SLC14A2: variants seen among roughly 807,000 people sequenced by gnomAD.
SLC14A2 encodes urea transporter 2.
In SLC14A2, 91 loss-of-function variants were observed where a neutral mutation model predicts 104.6. The ratio of observed to expected loss-of-function variants is 0.87; its 90% CI spans 0.73 to 1.04. SLC14A2 has a LOEUF of 1.04. SLC14A2 is among the 50% of genes least tolerant of loss of function. The pLI is 0.00. For missense variants in SLC14A2, 1,189 were observed against 1,156.0 expected (o/e 1.03, Z -0.41); for synonymous variants, 476 against 466.4 (o/e 1.02, Z -0.27).
chr18:45,596,226 G>A (rs563355360), intron 2 of SLC14A2, among the ~76,000 whole-genome samples: 9 of 152,260 alleles, frequency 5.9e-5, no homozygotes, highest in African/African-American at 2.2e-4. Context: ...CTTGCCAAGT[G>A]CTCTAAGTTT....
intron 1 of SLC14A2, among the ~76,000 whole-genome samples, chr18:45,340,825 T>C (rs1042823461): frequency 1.3e-5 from 2 of 152,148 alleles, no homozygotes; most frequent in Non-Finnish European, 2.9e-5. Context: ...GCCCTTTATG[T>C]GTGTCACTTT....
the SLC14A2 span, among the ~76,000 whole-genome samples, chr18:45,204,836 G>A: frequency 6.6e-6 from 1 of 150,874 alleles, no homozygotes; most frequent in Non-Finnish European, 1.5e-5. Flanking sequence ...AACTTTCCCA[G>A]AGAAGGTACT....
chr18:45,305,569 C>T (rs1028596038), intron 1 of SLC14A2, among the ~76,000 whole-genome samples: 2 of 152,192 alleles, frequency 1.3e-5, no homozygotes, highest in African/African-American at 4.8e-5. Flanking sequence ...CCAACCCTCC[C>T]CAGGTCTCCC....
At chr18:45,672,844 G>A (rs1188941213) in intron 16 of SLC14A2, 56 bp from the exon 17 acceptor site, 2 of 1,535,796 alleles carry the variant, frequency 1.3e-6, no homozygotes, top group Non-Finnish European at 1.8e-6. Flanking sequence ...TTGCAGCCAA[G>A]GTCAAGTTGT....
intron 2 of SLC14A2, among the ~76,000 whole-genome samples, chr18:45,567,084 G>A (rs12966719): frequency 3.5e-4 from 52 of 150,310 alleles, no homozygotes; most frequent in Non-Finnish European, 4.4e-4. Context: ...GTGTGTGTGT[G>A]TGTGTGTGTG....
At chr18:45,467,734 T>C (rs1430516182) in intron 1 of SLC14A2, among the ~76,000 whole-genome samples, 2 of 152,162 alleles carry the variant, frequency 1.3e-5, no homozygotes. Context: ...TAATATAAGG[T>C]AATTCCTACT....
chr18:45,673,743 C>A lies in SLC14A2; in HGVS notation c.2438C>A (p.Thr813Asn), dbSNP rs754135362. 15 of 1,614,206 alleles carry A rather than the reference C, an allele frequency of 9.3e-6. No individual in the cohort carries two copies. In the South Asian group the frequency reaches 1.6e-4, roughly 18 times the overall value. Residue 813 changes from threonine to asparagine, a missense_variant, in exon 18 of 20, where the codon ACC (threonine) becomes AAC (asparagine). Thr to Asn is a moderately conservative substitution (Grantham distance 65). Coordinates refer to ENST00000255226, the MANE Select transcript of SLC14A2 (RefSeq NM_007163.4). ...IYFGLCGFNSTLACIAIGGMF... is the reference protein window; with the variant it reads ...IYFGLCGFNSNLACIAIGGMF... ...TTCGGCCTGTGTGGCTTCAACAGCA[C>A]CCTCGCATGCATAGCGATAGGAGGC... is the stretch of plus-strand genomic sequence containing the variant.
intron 10 of SLC14A2, among the ~76,000 whole-genome samples, chr18:45,654,547 GCT>G (rs1305916317): frequency 1.4e-4 from 22 of 152,162 alleles, no homozygotes; most frequent in Admixed American, 1.4e-3. Context: ...GGCTAGTCTT[GCT>G]CTGTTTCTTC....
At chr18:45,458,434 C>G (rs755720415) in intron 1 of SLC14A2, among the ~76,000 whole-genome samples, 18 of 152,138 alleles carry the variant, frequency 1.2e-4, no homozygotes, top group Non-Finnish European at 2.5e-4. Flanking sequence ...GTACCCCACA[C>G]TCGGGGTAAC....
intron 2 of SLC14A2, among the ~76,000 whole-genome samples, chr18:45,587,128 C>T (rs948172372): frequency 6.6e-6 from 1 of 152,108 alleles, no homozygotes; most frequent in Non-Finnish European, 1.5e-5. Flanking sequence ...GCACATACCA[C>T]CACACCCGGC....
At chr18:45,202,700 T>C in the SLC14A2 span, among the ~76,000 whole-genome samples, 5 of 152,110 alleles carry the variant, frequency 3.3e-5, no homozygotes, top group East Asian at 9.7e-4. Flanking sequence ...TCAGATTCTA[T>C]GGGAAGTGGT....
At chr18:45,213,295 T>C (rs1429241581) in intron 1 of SLC14A2, 1 of 152,160 alleles carries the variant, frequency 6.6e-6, no homozygotes, top group Non-Finnish European at 1.5e-5. Flanking sequence ...AATTTAGGAA[T>C]ATTTTATATA....
intron 1 of SLC14A2, among the ~76,000 whole-genome samples, chr18:45,353,469 A>G (rs542272891): frequency 2.0e-4 from 31 of 152,336 alleles, no homozygotes; most frequent in Admixed American, 3.3e-4. Flanking sequence ...TTGTAGGTCA[A>G]TTGTGTTACA....
At chr18:45,655,865 C>A (rs920451512) in intron 10 of SLC14A2, among the ~76,000 whole-genome samples, 1 of 152,096 alleles carries the variant, frequency 6.6e-6, no homozygotes, top group Non-Finnish European at 1.5e-5. Context: ...CCATTGATAT[C>A]ATTTGAGAAG....
intron 2 of SLC14A2, among the ~76,000 whole-genome samples, chr18:45,547,016 C>G (rs1225174268): frequency 6.6e-6 from 1 of 152,104 alleles, no homozygotes; most frequent in Non-Finnish European, 1.5e-5. Flanking sequence ...TCCCCGGACC[C>G]TCTTGAGCCA....
intron 2 of SLC14A2, among the ~76,000 whole-genome samples, chr18:45,567,103 TCA>T (rs1293713720): frequency 1.3e-4 from 19 of 146,834 alleles, no homozygotes; most frequent in African/African-American, 4.8e-4. Context: ...TGTGTGTAAC[TCA>T]CAAGGAGAAA....
At chr18:45,258,042 A>G (rs2084498206) in intron 1 of SLC14A2, among the ~76,000 whole-genome samples, 1 of 152,122 alleles carries the variant, frequency 6.6e-6, no homozygotes, top group South Asian at 2.1e-4. Context: ...TATGCCAAGC[A>G]CTGTTCTTCA....
intron 1 of SLC14A2, among the ~76,000 whole-genome samples, chr18:45,622,116 CAT>C (rs1465619640): frequency 1.3e-5 from 2 of 152,136 alleles, no homozygotes; most frequent in Non-Finnish European, 2.9e-5. Flanking sequence ...AGGGATCCAA[CAT>C]GAGATTAATA....
At chr18:45,278,338 G>T (rs773774820) in intron 1 of SLC14A2, among the ~76,000 whole-genome samples, 2 of 152,162 alleles carry the variant, frequency 1.3e-5, no homozygotes, top group Non-Finnish European at 2.9e-5. Context: ...TCTGTCCTGT[G>T]CATTTTATGA....
Sources: allele counts gnomAD v4.1 joint callset (sites outside exome capture counted in the v4.1 genomes callset), GRCh38; gene constraint gnomAD v4.1.1; transcripts MANE v1.5; gene names NCBI Gene and HGNC (gene_info 2026-07-23, HGNC 2026-07-21).